Variants in COL14A1 observed in about 807,000 individuals in gnomAD.
COL14A1 encodes the protein collagen type XIV alpha 1 chain, also known as collagen alpha-1(XIV) chain.
Under a neutral mutation model 230.3 loss-of-function variants are expected in COL14A1, and 136 were observed. The observed-to-expected ratio is 0.59, with a 90% CI of 0.51 to 0.68. The LOEUF (loss-of-function observed/expected upper bound fraction) is 0.68. Among genes scored for constraint, COL14A1 ranks in the 30% least tolerant of loss-of-function variants. The pLI is 0.00. For missense variants in COL14A1, 1,976 were observed against 2,215.8 expected, an observed-to-expected ratio of 0.89 and a Z score of 2.17; for synonymous variants, 792 against 784.1, an observed-to-expected ratio of 1.01 and a Z score of -0.17.
intron 45 of COL14A1, among the ~76,000 whole-genome samples, chr8:120,356,086 C>T (rs1479947338): frequency 6.6e-6 from 1 of 152,130 alleles, no homozygotes; most frequent in Non-Finnish European, 1.5e-5. Flanking sequence ...GCTGAGGGTA[C>T]AAACTGGAAG....
At chr8:120,189,469 A>T (rs530656167) in intron 5 of COL14A1, among the ~76,000 whole-genome samples, 3 of 151,480 alleles carry the variant, frequency 2.0e-5, no homozygotes, top group Non-Finnish European at 2.9e-5. Context: ...TTTAATTAAA[A>T]TTTTTTTATT....
intron 5 of COL14A1, among the ~76,000 whole-genome samples, chr8:120,194,181 C>T (rs776810529): frequency 6.6e-5 from 10 of 152,196 alleles, no homozygotes; most frequent in African/African-American, 7.2e-5. Context: ...CATTCCTATT[C>T]GGCCATCTTG....
At chr8:120,369,204 A>G in intron 46 of COL14A1, 126 bp from the exon 47 acceptor site, 1 of 900,370 alleles carries the variant, frequency 1.1e-6, no homozygotes, top group Non-Finnish European at 1.6e-6. Context: ...CTCAATGAGT[A>G]GAAAGAGGTT....
At chr8:120,281,103 A>G in intron 31 of COL14A1, 44 bp downstream of exon 31, 1 of 1,550,468 alleles carries the variant, frequency 6.4e-7, no homozygotes, top group Non-Finnish European at 8.7e-7. Flanking sequence ...TATGTTTATT[A>G]TATCTCACTG....
At chr8:120,364,630 C>A (rs950898738) in intron 45 of COL14A1, among the ~76,000 whole-genome samples, 1 of 152,096 alleles carries the variant, frequency 6.6e-6, no homozygotes, top group African/African-American at 2.4e-5. Context: ...CATCTGTAAT[C>A]CCAGCACTTT....
chr8:120,369,086 T>C (rs1415310773), intron 46 of COL14A1, among the ~76,000 whole-genome samples: 1 of 152,168 alleles, frequency 6.6e-6, no homozygotes, highest in Non-Finnish European at 1.5e-5. Flanking sequence ...ATAGAAAAGA[T>C]GCATTTTGCT....
chr8:120,224,397 G>T (rs1818031100), intron 14 of COL14A1, among the ~76,000 whole-genome samples: 1 of 152,118 alleles, frequency 6.6e-6, no homozygotes, highest in African/African-American at 2.4e-5. Context: ...GAATCCTAGG[G>T]CTCAGAGTAC....
chr8:120,162,032 T>C (rs1815694789), intron 3 of COL14A1, among the ~76,000 whole-genome samples: 2 of 152,226 alleles, frequency 1.3e-5, no homozygotes, highest in Non-Finnish European at 2.9e-5. Flanking sequence ...CTTGCTGTCC[T>C]GTAATCTTGT....
intron 14 of COL14A1, 133 bp downstream of exon 14, chr8:120,216,623 T>C: frequency 2.1e-6 from 2 of 937,886 alleles, no homozygotes; most frequent in African/African-American, 1.7e-5. Context: ...AGTTCCTGTA[T>C]GTAGGTCAGG....
At position 120,227,274 on chromosome 8, in the gene COL14A1, A is replaced by C; in HGVS notation, c.2059A>C (p.Thr687Pro). ...SHVIEGLEPG[T>P]EYEVSLLAVL... is the part of the protein sequence containing the mutation. Reference sequence around the variant, plus strand: ...TGTTATTGAAGGCCTGGAGCCCGGTACGGAGTATGAAGTTTCACTATTGGC... The same window carrying C: ...TGTTATTGAAGGCCTGGAGCCCGGTCCGGAGTATGAAGTTTCACTATTGGC... Residue 687 changes from threonine (T) to proline (P), a missense_variant, in exon 17 of 48, where the codon ACG (threonine) becomes CCG (proline). Physicochemically the swap from Thr to Pro is conservative, Grantham distance 38. Around this residue, in one of 3 missense-constraint regions of COL14A1, gnomAD observed 1,791 missense variants for 2,019.5 expected, o/e 0.89. Transcript: ENST00000297848. The C allele has an allele frequency of 6.2e-7, 1 of 1,614,114 alleles. No homozygotes were observed.
intron 3 of COL14A1, among the ~76,000 whole-genome samples, chr8:120,161,741 G>A (rs137960836): frequency 6.0e-4 from 92 of 152,138 alleles, no homozygotes; most frequent in African/African-American, 1.9e-3. Flanking sequence ...CGGCTCAACT[G>A]CAACCTCTGC....
intron 25 of COL14A1, 48 bp from the exon 26 acceptor site, chr8:120,269,987 C>T (rs1358410399): frequency 6.2e-7 from 1 of 1,603,072 alleles, no homozygotes; most frequent in Non-Finnish European, 8.5e-7. Context: ...TTAATAACTA[C>T]TAACTTTTCC....
rs764472817 is a variant in COL14A1 at position 120,247,682 on chromosome 8, A to AC, written c.2555dup (p.Ser853IlefsTer8). ...TATAACCGGTTGCGCATTACGTGGG[A>AC]CCCCCCATCTTCCCCGGTGAAAGGC... On this transcript the variant is annotated frameshift_variant, in exon 21 of 48. Transcript: ENST00000297848. LOFTEE classifies it high-confidence loss of function. 1.2e-5 allele frequency: 20 copies of AC among 1,613,704 alleles called. No individual in the cohort carries two copies. The highest frequency in any genetic ancestry group is 4.5e-5 in the East Asian group (2 of 44,876).
chr8:120,357,641 CT>C (rs950738070), intron 45 of COL14A1, among the ~76,000 whole-genome samples: 37 of 152,238 alleles, frequency 2.4e-4, no homozygotes, highest in Middle Eastern at 3.4e-3. Flanking sequence ...ACAAGTCCTT[CT>C]GGCTGTGCAT....
intron 1 of COL14A1, among the ~76,000 whole-genome samples, chr8:120,137,603 A>T (rs999787427): frequency 6.6e-6 from 1 of 152,102 alleles, no homozygotes; most frequent in African/African-American, 2.4e-5. Flanking sequence ...CTATAAGTTT[A>T]TCTCTAATTC....
At chr8:120,175,951 A>G (rs997266725) in intron 5 of COL14A1, among the ~76,000 whole-genome samples, 3 of 152,176 alleles carry the variant, frequency 2.0e-5, no homozygotes, top group Non-Finnish European at 2.9e-5. Context: ...TTATACTCCC[A>G]TATTTGATTC....
intron 12 of COL14A1, among the ~76,000 whole-genome samples, chr8:120,212,210 A>C (rs1164247993): frequency 1.3e-5 from 2 of 152,214 alleles, no homozygotes; most frequent in African/African-American, 4.8e-5. Flanking sequence ...CCAGATGTAA[A>C]GAGTTATCCT....
At chr8:120,140,760 A>G (rs973164547) in intron 1 of COL14A1, among the ~76,000 whole-genome samples, 1 of 152,190 alleles carries the variant, frequency 6.6e-6, no homozygotes, top group Non-Finnish European at 1.5e-5. Flanking sequence ...AGCATTGCTT[A>G]ATGCTTACAC....
At chr8:120,151,262 A>C (rs1400274747) in intron 2 of COL14A1, among the ~76,000 whole-genome samples, 1 of 151,978 alleles carries the variant, frequency 6.6e-6, no homozygotes, top group Non-Finnish European at 1.5e-5. Context: ...TATTGGATTG[A>C]TTTTCTGCTT....
Sources: allele counts gnomAD v4.1 joint callset (sites outside exome capture counted in the v4.1 genomes callset), GRCh38; gene constraint gnomAD v4.1.1; regional missense constraint gnomAD v4.1.1; transcripts MANE v1.5; gene names NCBI Gene and HGNC (gene_info 2026-07-23, HGNC 2026-07-21).